The following ZNF469 variants were observed in gnomAD, a reference collection of about 807,000 sequenced individuals.
ZNF469 encodes zinc finger protein 469.
ZNF469 carries 1 observed loss-of-function variant against 1.0 expected under a neutral mutation model. That is an observed-to-expected ratio of 1.00 (90% CI 0.35 to 4.73). ZNF469 has a LOEUF of 4.73. ZNF469 is among the 30% of genes most tolerant of loss of function. The pLI, the probability that ZNF469 is intolerant of heterozygous loss-of-function variation, is 0.16. For missense variants in ZNF469, 6,100 were observed against 5,356.3 expected, an observed-to-expected ratio of 1.14 and a Z score of -4.33; for synonymous variants, 2,703 against 2,363.4, an observed-to-expected ratio of 1.14 and a Z score of -4.17.
At chr16:88,368,081 G>T in the ZNF469 span, among the ~76,000 whole-genome samples, 3 of 152,256 alleles carry the variant, frequency 2.0e-5, no homozygotes. Context: ...CATAATAGCA[G>T]CGAGGGCAGA....
At chr16:88,394,737 G>A (rs966446108) in intron 1 of ZNF469, among the ~76,000 whole-genome samples, 3 of 152,198 alleles carry the variant, frequency 2.0e-5, no homozygotes, top group South Asian at 2.1e-4. Context: ...AAGGTGCAGT[G>A]CCTGAGGGAA....
At chr16:88,125,890 A>G in the ZNF469 span, among the ~76,000 whole-genome samples, 1 of 152,146 alleles carries the variant, frequency 6.6e-6, no homozygotes, top group East Asian at 1.9e-4. Context: ...AGTTCTAGTA[A>G]CTTTTTAAAA....
chr16:88,105,655 C>T, the ZNF469 span, among the ~76,000 whole-genome samples: 1 of 152,220 alleles, frequency 6.6e-6, no homozygotes, highest in Non-Finnish European at 1.5e-5. Context: ...CCAGCAACCC[C>T]AGGCAGGATT....
chr16:88,433,069 G>GC lies in ZNF469; in HGVS notation c.5605dup (p.Arg1869ProfsTer22), dbSNP rs1567513508. 6.5e-7 allele frequency: 1 copy of GC among 1,550,262 alleles called. No individual in the cohort carries two copies. Among genetic ancestry groups the GC allele is most frequent in the Non-Finnish European group, 8.7e-7 (1 of 1,146,928 alleles). On this transcript the variant is annotated frameshift_variant, in exon 3 of 3. Coordinates refer to ENST00000565624, the MANE Select transcript of ZNF469 (RefSeq NM_001367624.2). LOFTEE classifies it low-confidence loss of function (END_TRUNC). ...ACCGGCGGGGGCCTCCTCACTGACT[G>GC]CCCCCCGGGGCAGGGAGGCTTGGTT...
At chr16:88,351,395 C>T in the ZNF469 span, among the ~76,000 whole-genome samples, 1 of 152,122 alleles carries the variant, frequency 6.6e-6, no homozygotes, top group Non-Finnish European at 1.5e-5. Flanking sequence ...GGGATGAGGA[C>T]GTTAAATTCA....
intron 1 of ZNF469, among the ~76,000 whole-genome samples, chr16:88,415,479 C>T (rs1597199510): frequency 6.6e-6 from 1 of 152,338 alleles, no homozygotes; most frequent in East Asian, 1.9e-4. Context: ...GTGCTGTGCC[C>T]ATTTTACAGC....
chr16:88,425,632 G>A (rs984048077), intron 2 of ZNF469, among the ~76,000 whole-genome samples: 9 of 152,232 alleles, frequency 5.9e-5, no homozygotes, highest in African/African-American at 2.2e-4. Flanking sequence ...CTGAGCCACC[G>A]TGAGCACAAG....
At chr16:88,232,088 T>A in the ZNF469 span, among the ~76,000 whole-genome samples, 5 of 152,082 alleles carry the variant, frequency 3.3e-5, no homozygotes, top group African/African-American at 1.2e-4. Flanking sequence ...GAGGAGGGTA[T>A]CTGGCCCTCA....
the ZNF469 span, among the ~76,000 whole-genome samples, chr16:88,162,155 G>A: frequency 6.6e-6 from 1 of 152,142 alleles, no homozygotes; most frequent in African/African-American, 2.4e-5. Flanking sequence ...TGAGAGTTGA[G>A]AAAATCCTCC....
At chr16:88,370,891 C>T in the ZNF469 span, among the ~76,000 whole-genome samples, 1 of 152,230 alleles carries the variant, frequency 6.6e-6, no homozygotes, top group Non-Finnish European at 1.5e-5. Flanking sequence ...GGGGGTTACG[C>T]TCTTGCTGAG....
At chr16:88,171,481 T>C in the ZNF469 span, among the ~76,000 whole-genome samples, 1 of 152,344 alleles carries the variant, frequency 6.6e-6, no homozygotes, top group South Asian at 2.1e-4. Flanking sequence ...GCAGGAACCC[T>C]ACCTTTCTGC....
At chr16:88,142,264 G>A in the ZNF469 span, among the ~76,000 whole-genome samples, 1 of 152,236 alleles carries the variant, frequency 6.6e-6, no homozygotes, top group South Asian at 2.1e-4. Context: ...CCCTGGGAGG[G>A]TGAGCAGGTT....
Position 88,433,504 on chromosome 16 carries a change from A to G in ZNF469, c.6034A>G (p.Thr2012Ala). Residue 2012 changes from threonine (T) to alanine (A), a missense_variant, in exon 3 of 3, where the codon ACG becomes GCG. Coordinates refer to ENST00000565624, the MANE Select transcript of ZNF469 (RefSeq NM_001367624.2). ...AGAGAACGGGGTGAGCCCAGGGGGCACGGACAACCACGCCTCAGTCAATGC... is the reference window on the plus strand; with the variant it reads ...AGAGAACGGGGTGAGCCCAGGGGGCGCGGACAACCACGCCTCAGTCAATGC... ...QPENGVSPGGTDNHASVNASP... is the reference protein window; with the variant it reads ...QPENGVSPGGADNHASVNASP... 1 of 1,550,326 alleles carries G rather than the reference A, an allele frequency of 6.5e-7. No homozygotes were observed. The highest frequency in any genetic ancestry group is 8.7e-7 in the Non-Finnish European group (1 of 1,146,912).
chr16:88,336,717 A>G, the ZNF469 span, among the ~76,000 whole-genome samples: 1 of 152,360 alleles, frequency 6.6e-6, no homozygotes, highest in Admixed American at 6.5e-5. Flanking sequence ...AGACACTGAC[A>G]CGCCAATACC....
the ZNF469 span, among the ~76,000 whole-genome samples, chr16:88,128,817 G>C: frequency 3.8e-3 from 576 of 152,366 alleles, no homozygotes; most frequent in African/African-American, 0.013. Context: ...CAGGGGCTCT[G>C]CTCACCTGGG....
chr16:88,349,533 G>A, the ZNF469 span, among the ~76,000 whole-genome samples: 3 of 141,882 alleles, frequency 2.1e-5, no homozygotes, highest in Non-Finnish European at 3.0e-5. Flanking sequence ...CAACACAAGT[G>A]CATACACACC....
At chr16:88,365,688 G>A in the ZNF469 span, among the ~76,000 whole-genome samples, 89 of 152,272 alleles carry the variant, frequency 5.8e-4, no homozygotes, top group African/African-American at 2.0e-3. Context: ...GACCAGGAGC[G>A]GGTCCACTCC....
the ZNF469 span, among the ~76,000 whole-genome samples, chr16:88,216,425 C>T: frequency 1.4e-4 from 21 of 149,288 alleles, no homozygotes; most frequent in African/African-American, 5.2e-4. Context: ...ACCCGGGAGG[C>T]AGAGCTTGCA....
the ZNF469 span, among the ~76,000 whole-genome samples, chr16:88,280,366 ATGT>A: frequency 5.9e-5 from 9 of 152,092 alleles, no homozygotes; most frequent in Non-Finnish European, 1.0e-4. Context: ...TACTGTGCTG[ATGT>A]TGGTGCACAG....
Sources: allele counts gnomAD v4.1 joint callset (sites outside exome capture counted in the v4.1 genomes callset), GRCh38; gene constraint gnomAD v4.1.1; transcripts MANE v1.5; gene names NCBI Gene and HGNC (gene_info 2026-07-23, HGNC 2026-07-21).